CSMD1: variants seen among roughly 807,000 people sequenced by gnomAD.
CSMD1 encodes the protein CUB and sushi domain-containing protein 1.
Under a neutral mutation model 417.5 loss-of-function variants are expected in CSMD1, and 213 were observed. The observed-to-expected ratio is 0.51, with a 90% CI of 0.46 to 0.57. The LOEUF (loss-of-function observed/expected upper bound fraction) is 0.57, where lower values mean the gene tolerates loss of function less well. Among genes scored for constraint, CSMD1 ranks in the 20% least tolerant of loss-of-function variants. The probability of loss-of-function intolerance (pLI) is 0.00; values close to 1 mark genes in which losing one functional copy is unlikely to be tolerated. For synonymous variants in CSMD1, 2,862 were observed against 1,736.8 expected, an observed-to-expected ratio of 1.65 and a Z score of -16.11; for missense variants, 6,923 against 4,529.7, an observed-to-expected ratio of 1.53 and a Z score of -15.17.
At chr8:4,475,729 C>T (rs1473650112) in intron 2 of CSMD1, among the ~76,000 whole-genome samples, 1 of 152,110 alleles carries the variant, frequency 6.6e-6, no homozygotes, top group African/African-American at 2.4e-5. Flanking sequence ...TCTCCTGCAT[C>T]AGCCTCCCGA....
At chr8:4,130,849 T>C (rs559720604) in intron 3 of CSMD1, among the ~76,000 whole-genome samples, 22 of 151,458 alleles carry the variant, frequency 1.5e-4, no homozygotes, top group African/African-American at 4.9e-4. Context: ...ATTATATATA[T>C]ATTATTTAAC....
intron 12 of CSMD1, among the ~76,000 whole-genome samples, chr8:3,444,581 G>C (rs1471498836): frequency 6.6e-6 from 1 of 152,100 alleles, no homozygotes; most frequent in African/African-American, 2.4e-5. Context: ...CTGGTATCTG[G>C]TGGGTCAAGG....
chr8:3,871,006 AT>A (rs996108507), intron 5 of CSMD1, among the ~76,000 whole-genome samples: 2 of 151,852 alleles, frequency 1.3e-5, no homozygotes, highest in African/African-American at 2.4e-5. Flanking sequence ...ATGTGTTATA[AT>A]TTTTTTAAAA....
At chr8:4,184,011 T>C (rs1798526336) in intron 3 of CSMD1, among the ~76,000 whole-genome samples, 1 of 152,176 alleles carries the variant, frequency 6.6e-6, no homozygotes, top group South Asian at 2.1e-4. Flanking sequence ...ATGACAAGGG[T>C]ACAGTTAATG....
chr8:3,506,110 G>C (rs763765357), intron 10 of CSMD1, among the ~76,000 whole-genome samples: 3 of 152,160 alleles, frequency 2.0e-5, no homozygotes, highest in Non-Finnish European at 4.4e-5. Flanking sequence ...GTGTCTCATC[G>C]GAGGCCAGGT....
At chr8:3,502,365 A>C (rs982909828) in intron 10 of CSMD1, among the ~76,000 whole-genome samples, 2 of 13,724 alleles carry the variant, frequency 1.5e-4, no homozygotes, top group Non-Finnish European at 3.0e-4. Context: ...ACTTCATCTC[A>C]AAAAAAAAAA....
At chr8:4,662,930 G>C (rs888686977) in intron 1 of CSMD1, among the ~76,000 whole-genome samples, 1 of 152,206 alleles carries the variant, frequency 6.6e-6, no homozygotes, top group Non-Finnish European at 1.5e-5. Flanking sequence ...AAAAAGGAAA[G>C]AAAGGCTAAA....
At chr8:3,932,398 A>G (rs868640894) in intron 5 of CSMD1, among the ~76,000 whole-genome samples, 5 of 150,610 alleles carry the variant, frequency 3.3e-5, no homozygotes, top group South Asian at 2.1e-4. Flanking sequence ...CCTGCAACAT[A>G]TGCCATCTGC....
At chr8:3,365,796 T>A (rs536696075) in intron 20 of CSMD1, among the ~76,000 whole-genome samples, 14 of 152,186 alleles carry the variant, frequency 9.2e-5, no homozygotes, top group Non-Finnish European at 1.8e-4. Flanking sequence ...CCTTGTATTA[T>A]TGAACTACAG....
chr8:3,756,535 T>A (rs980932886), intron 5 of CSMD1, among the ~76,000 whole-genome samples: 1 of 152,112 alleles, frequency 6.6e-6, no homozygotes, highest in Non-Finnish European at 1.5e-5. Flanking sequence ...TCAGATACGA[T>A]CCTAATGTAA....
intron 10 of CSMD1, among the ~76,000 whole-genome samples, chr8:3,506,837 A>G (rs1796847934): frequency 6.6e-6 from 1 of 152,222 alleles, no homozygotes. Flanking sequence ...AAATTTTAAA[A>G]ACACCATAAA....
intron 18 of CSMD1, among the ~76,000 whole-genome samples, chr8:3,380,433 T>C (rs576663354): frequency 1.6e-4 from 24 of 152,270 alleles, no homozygotes; most frequent in Non-Finnish European, 2.5e-4. Context: ...TGAAGACATA[T>C]ACACACATAT....
At chr8:4,944,752 C>A (rs1282525726) in intron 1 of CSMD1, among the ~76,000 whole-genome samples, 1 of 152,018 alleles carries the variant, frequency 6.6e-6, no homozygotes, top group Non-Finnish European at 1.5e-5. Context: ...AAAATAGCAA[C>A]TGTTGGCGAG....
intron 9 of CSMD1, among the ~76,000 whole-genome samples, chr8:3,575,619 A>T (rs905577751): frequency 6.6e-6 from 1 of 152,240 alleles, no homozygotes. Flanking sequence ...TTTAGATTCT[A>T]TTCTACAATA....
intron 5 of CSMD1, among the ~76,000 whole-genome samples, chr8:3,943,318 G>C (rs775176267): frequency 1.9e-4 from 28 of 149,012 alleles, no homozygotes; most frequent in Admixed American, 1.2e-3. Context: ...TGCAGAACTA[G>C]AAGAGTGAAG....
intron 26 of CSMD1, among the ~76,000 whole-genome samples, chr8:3,261,500 A>C (rs1003838277): frequency 1.3e-5 from 2 of 151,602 alleles, no homozygotes; most frequent in Non-Finnish European, 2.9e-5. Flanking sequence ...CTGAACCCCA[A>C]AAACTTACAG....
At chr8:3,273,371 A>G (rs1356046190) in intron 26 of CSMD1, among the ~76,000 whole-genome samples, 1 of 152,092 alleles carries the variant, frequency 6.6e-6, no homozygotes, top group African/African-American at 2.4e-5. Flanking sequence ...AATGTTCATC[A>G]AGGATATTGG....
chr8:4,536,148 C>A (rs1797092303), intron 2 of CSMD1, among the ~76,000 whole-genome samples: 1 of 152,126 alleles, frequency 6.6e-6, no homozygotes, highest in African/African-American at 2.4e-5. Flanking sequence ...TATATATAAA[C>A]CGCAACTCAG....
chr8:3,251,996 C>T (rs923711586), intron 26 of CSMD1, among the ~76,000 whole-genome samples: 1 of 152,218 alleles, frequency 6.6e-6, no homozygotes, highest in African/African-American at 2.4e-5. Flanking sequence ...GATATAGAAT[C>T]ATGTCATCTG....
Sources: allele counts gnomAD v4.1 joint callset (sites outside exome capture counted in the v4.1 genomes callset), GRCh38; gene constraint gnomAD v4.1.1; transcripts MANE v1.5; gene names NCBI Gene and HGNC (gene_info 2026-07-23, HGNC 2026-07-21).